Variants in CD6 observed in about 807,000 individuals in gnomAD.
The protein encoded by CD6 is CD6 molecule, also known as T-cell differentiation antigen CD6.
In CD6, 53 loss-of-function variants were observed where a neutral mutation model predicts 75.3. The observed-to-expected ratio is 0.70, with a 90% CI of 0.56 to 0.88. The LOEUF (loss-of-function observed/expected upper bound fraction) is 0.88, where lower values mean the gene tolerates loss of function less well. CD6 is among the 40% of genes least tolerant of loss of function. CD6 has a pLI of 0.00. For missense variants in CD6, 770 were observed against 897.1 expected, an observed-to-expected ratio of 0.86 and a Z score of 1.81; for synonymous variants, 359 against 381.5, an observed-to-expected ratio of 0.94 and a Z score of 0.69.
At chr11:60,972,045 C>G in intron 1 of CD6, 131 bp downstream of exon 1, 1 of 906,588 alleles carries the variant, frequency 1.1e-6, no homozygotes, top group Non-Finnish European at 1.7e-6. Context: ...ACTCAGGTAC[C>G]AGGGAGGTCC....
intron 1 of CD6, 132 bp from the exon 2 acceptor site, chr11:61,006,442 G>A: frequency 2.9e-6 from 2 of 678,972 alleles, no homozygotes; most frequent in Non-Finnish European, 2.6e-6. Context: ...CCAAAGTTGA[G>A]GACCACGTCT....
At position 61,007,736 on chromosome 11, in the gene CD6, C is replaced by A; in HGVS notation, c.295C>A (p.Pro99Thr). 7.1e-7 allele frequency: 1 copy of A among 1,415,212 alleles called. No homozygotes were observed. Among genetic ancestry groups the A allele is most frequent in the Admixed American group, 3.1e-5 (1 of 32,006 alleles). 87.7% of individuals were successfully genotyped at this position (1,415,212 alleles called of 1,614,324 possible). A position where few individuals can be genotyped will look rare whatever the true frequency, so the allele number is the denominator to read the frequency against. The change falls in exon 3 of 13, where the codon CCG (proline) becomes ACG (threonine). Residue 99 changes from proline to threonine, a missense_variant. By Grantham distance (38) the Pro-to-Thr change is conservative. Transcript: ENST00000313421. This position sits in a 1 kb window ranked among gnomAD's most constrained non-coding sequence, Gnocchi z 4.2. ...GGAEAASQLA[P>T]PTPELPPPPA... ...GGCGGAGGCCGCCTCTCAGCTCGCC[C>A]CGCCGACCCCTGAGCTGCCGCCCCC...
intron 11 of CD6, 34 bp downstream of exon 11, chr11:61,018,047 A>G (rs1397183809): frequency 6.2e-7 from 1 of 1,602,388 alleles, no homozygotes; most frequent in Non-Finnish European, 8.5e-7. Flanking sequence ...CCCATCCCAT[A>G]GCCAGCCTGG....
intron 1 of CD6, chr11:60,985,260 T>G (rs1857761921): frequency 7.0e-6 from 1 of 142,896 alleles, no homozygotes; most frequent in Non-Finnish European, 1.5e-5. Flanking sequence ...CTTGGCTCAC[T>G]GCAACCTCTG....
intron 1 of CD6, among the ~76,000 whole-genome samples, chr11:61,006,038 T>C (rs1428778583): frequency 6.6e-6 from 1 of 152,380 alleles, no homozygotes; most frequent in Non-Finnish European, 1.5e-5. Flanking sequence ...GAAGGCACTT[T>C]GCAATCCAGT....
At chr11:61,018,876 T>C in intron 12 of CD6, 1 of 269,234 alleles carries the variant, frequency 3.7e-6, no homozygotes, top group Non-Finnish European at 7.0e-6. Context: ...GGAAAATGGA[T>C]GTGGACGGGA....
intron 1 of CD6, among the ~76,000 whole-genome samples, chr11:60,979,716 C>G (rs1321206564): frequency 6.6e-6 from 1 of 152,152 alleles, no homozygotes; most frequent in Non-Finnish European, 1.5e-5. Flanking sequence ...GATCCACCCG[C>G]CCGCCTCAGC....
At chr11:61,005,087 C>G (rs755991986) in intron 1 of CD6, among the ~76,000 whole-genome samples, 6 of 152,222 alleles carry the variant, frequency 3.9e-5, no homozygotes, top group South Asian at 2.1e-4. Flanking sequence ...AGTTTAAATC[C>G]GGGCTCTGCA....
chr11:61,002,996 G>A (rs554733048), intron 1 of CD6, among the ~76,000 whole-genome samples: 9 of 138,640 alleles, frequency 6.5e-5, no homozygotes, highest in Middle Eastern at 3.5e-3. Context: ...ACACAGTCTC[G>A]CTCTGTTGGC....
At position 61,008,555 on chromosome 11, in the gene CD6, TGGACGGTGGCGGCGCCTGC is replaced by T; in HGVS notation, c.493_511del (p.Asp165ProfsTer58). 6.2e-7 allele frequency: 1 copy of T among 1,604,530 alleles called. No homozygotes were observed. The highest frequency in any genetic ancestry group is 8.5e-7 in the Non-Finnish European group (1 of 1,175,876). Reference sequence around the variant, plus strand: ...CTAGAGAACCGCGCGCTGCGCCTGGTGGACGGTGGCGGCGCCTGCGCCGGCCGCGTGGAGATGCTGGAGC... The same window carrying T: ...CTAGAGAACCGCGCGCTGCGCCTGGTGCCGGCCGCGTGGAGATGCTGGAGC... On this transcript the variant is annotated frameshift_variant, in exon 4 of 13. Transcript: ENST00000313421. LOFTEE classifies it high-confidence loss of function.
chr11:60,998,778 T>C (rs569394655), intron 1 of CD6, among the ~76,000 whole-genome samples: 2 of 151,382 alleles, frequency 1.3e-5, no homozygotes, highest in South Asian at 2.1e-4. Flanking sequence ...AAAAGCCCTG[T>C]GTATTTATTT....
In CD6 at chr11:61,017,897, A is replaced by G. The variant is rs767806541; in HGVS notation, c.1721A>G (p.Asn574Ser). 11 of 1,614,090 alleles carry G rather than the reference A, an allele frequency of 6.8e-6. No homozygotes were observed. The highest frequency in any genetic ancestry group is 6.7e-5 in the African/African-American group (5 of 75,028). Residue 574 changes from asparagine (N) to serine (S), a missense_variant, in exon 11 of 13, where the codon AAT becomes AGT. Physicochemically the swap from Asn to Ser is conservative, Grantham distance 46 (BLOSUM62 1). Coordinates refer to ENST00000313421, the MANE Select transcript of CD6 (RefSeq NM_006725.5). ...SSTSSGEDYC[N>S]SPKSKLPPWN... ...ACCTCTTCAGGGGAGGATTACTGCA[A>G]TAGTCCCAAAAGCAAGCTGCCTCCA...
chr11:60,996,159 T>C (rs1858285884), intron 1 of CD6, among the ~76,000 whole-genome samples: 1 of 152,184 alleles, frequency 6.6e-6, no homozygotes, highest in Non-Finnish European at 1.5e-5. Flanking sequence ...TGCCTCAGTT[T>C]CCCCATCTCG....
intron 5 of CD6, 131 bp from the exon 6 acceptor site, chr11:61,010,939 C>A: frequency 1.3e-6 from 1 of 750,970 alleles, no homozygotes. Context: ...TCCTTAGCCA[C>A]GTGTCCCTGA....
In CD6 at chr11:61,020,161, T is replaced by C. The variant is rs1010916063; in HGVS notation, c.*843T>C. The C allele has an allele frequency of 1.0e-5, 4 of 398,608 alleles. No individual in the cohort carries two copies. The highest frequency in any genetic ancestry group is 1.8e-5 in the Non-Finnish European group (4 of 226,082). 24.7% of individuals were successfully genotyped at this position (398,608 alleles called of 1,614,324 possible). A position where few individuals can be genotyped will look rare whatever the true frequency, so the allele number is the denominator to read the frequency against. ...GGGGGCAAGGAGCATAGAGATGTTT[T>C]CCAGGAAGGGGCTCAGAAGCTGCAC... On this transcript the variant is annotated 3_prime_UTR_variant, in exon 13 of 13. Transcript: ENST00000313421.
chr11:61,001,129 A>C (rs1858567751), intron 1 of CD6, among the ~76,000 whole-genome samples: 1 of 152,048 alleles, frequency 6.6e-6, no homozygotes, highest in Non-Finnish European at 1.5e-5. Context: ...ATAAAAGTTT[A>C]AATAATTATT....
chr11:60,998,490 T>A (rs1249249074), intron 1 of CD6, among the ~76,000 whole-genome samples: 1 of 152,134 alleles, frequency 6.6e-6, no homozygotes, highest in African/African-American at 2.4e-5. Flanking sequence ...ATGTAGCAAG[T>A]TAATGATAGA....
intron 4 of CD6, among the ~76,000 whole-genome samples, chr11:61,009,194 G>A (rs1235341180): frequency 2.0e-5 from 3 of 152,190 alleles, no homozygotes; most frequent in South Asian, 2.1e-4. Context: ...CCTCTGAGGA[G>A]GCTGTTGGTC....
rs1858939707 is a variant in CD6 at position 61,007,784 on chromosome 11, G to A, written c.343G>A (p.Val115Ile). Reference sequence around the variant, plus strand: ...CCCGCCTGCAGCCGGGAACACCAGCGTAGCAGCTAATGCCACTCTGGCCGG... The same window carrying A: ...CCCGCCTGCAGCCGGGAACACCAGCATAGCAGCTAATGCCACTCTGGCCGG... ...PPPPAAGNTS[V>I]AANATLAGAP... Residue 115 changes from valine (V) to isoleucine (I), a missense_variant, in exon 3 of 13, where the codon GTA becomes ATA. Coordinates refer to ENST00000313421, the MANE Select transcript of CD6 (RefSeq NM_006725.5). The surrounding 1 kb of genome is among the most constrained non-coding windows in gnomAD (Gnocchi z 4.2). 7 of 1,475,814 alleles carry A rather than the reference G, an allele frequency of 4.7e-6. No individual in the cohort carries two copies. The highest frequency in any genetic ancestry group is 2.6e-5 in the South Asian group (2 of 76,806). 91.4% of individuals were successfully genotyped at this position (1,475,814 alleles called of 1,614,324 possible). A position where few individuals can be genotyped will look rare whatever the true frequency, so the allele number is the denominator to read the frequency against.
Sources: gnomAD v4.1 joint callset for allele counts (sites outside exome capture counted in the v4.1 genomes callset) on GRCh38, gnomAD v4.1.1 for gene constraint, Gnocchi (gnomAD v3.1) non-coding constraint, MANE v1.5 for transcripts, NCBI Gene and HGNC (gene_info 2026-07-23, HGNC 2026-07-21) for gene names.